The following ADGRL3 variants were observed in gnomAD, a reference collection of about 807,000 sequenced individuals.
ADGRL3 encodes adhesion G protein-coupled receptor L3.
Under a neutral mutation model 153.5 loss-of-function variants are expected in ADGRL3, and 62 were observed. That is an observed-to-expected ratio of 0.40 (90% confidence interval 0.33 to 0.50). The LOEUF is 0.50. Among genes scored for constraint, ADGRL3 ranks in the 20% least tolerant of loss-of-function variants. The pLI is 0.47. For missense variants in ADGRL3, 1,641 were observed against 1,859.4 expected, an observed-to-expected ratio of 0.88 and a Z score of 2.16; for synonymous variants, 710 against 672.5, an observed-to-expected ratio of 1.06 and a Z score of -0.86.
At chr4:61,291,790 A>G (rs561625875) in intron 1 of ADGRL3, among the ~76,000 whole-genome samples, 3 of 149,680 alleles carry the variant, frequency 2.0e-5, no homozygotes, top group South Asian at 2.1e-4. Flanking sequence ...AGAAGTATTA[A>G]TATAAAATGG....
intron 6 of ADGRL3, among the ~76,000 whole-genome samples, chr4:61,723,423 G>A (rs1327498811): frequency 6.6e-6 from 1 of 152,048 alleles, no homozygotes; most frequent in Admixed American, 6.6e-5. Context: ...GAAGAAAAAA[G>A]CTCCCCCATA....
intron 3 of ADGRL3, among the ~76,000 whole-genome samples, chr4:61,513,176 A>G (rs1212017654): frequency 2.6e-5 from 4 of 152,164 alleles, no homozygotes; most frequent in Non-Finnish European, 4.4e-5. Context: ...AATAAGCTGA[A>G]TAATTGACTG....
chr4:61,625,340 C>T (rs2092767856), intron 5 of ADGRL3, among the ~76,000 whole-genome samples: 1 of 151,834 alleles, frequency 6.6e-6, no homozygotes, highest in Admixed American at 6.6e-5. Flanking sequence ...AGTATTTATT[C>T]CAAAAACTAC....
At chr4:61,652,746 A>T (rs2094305349) in intron 5 of ADGRL3, among the ~76,000 whole-genome samples, 2 of 152,216 alleles carry the variant, frequency 1.3e-5, no homozygotes. Context: ...TGTCATAATT[A>T]TAACCACTTT....
intron 8 of ADGRL3, among the ~76,000 whole-genome samples, chr4:61,750,558 G>A (rs893046547): frequency 1.3e-5 from 2 of 152,090 alleles, no homozygotes; most frequent in Non-Finnish European, 2.9e-5. Flanking sequence ...TTGGGAGGCC[G>A]AGGCGGGCGG....
At chr4:61,220,801 T>C (rs888180082) in intron 1 of ADGRL3, among the ~76,000 whole-genome samples, 52 of 152,208 alleles carry the variant, frequency 3.4e-4, no homozygotes, top group African/African-American at 1.2e-3. Context: ...AATGATTATC[T>C]AGCAATTCGT....
chr4:61,512,816 G>A (rs770598753), intron 3 of ADGRL3, among the ~76,000 whole-genome samples: 2 of 152,074 alleles, frequency 1.3e-5, no homozygotes, highest in Admixed American at 1.3e-4. Flanking sequence ...TTGTACAAAG[G>A]ATTAGGCGGG....
At chr4:61,738,284 A>G (rs144009680) in intron 8 of ADGRL3, among the ~76,000 whole-genome samples, 6 of 152,172 alleles carry the variant, frequency 3.9e-5, no homozygotes, top group Non-Finnish European at 7.4e-5. Flanking sequence ...ATTCCATTCT[A>G]TATATTTATA....
At chr4:61,537,941 T>C (rs2098667043) in intron 4 of ADGRL3, among the ~76,000 whole-genome samples, 1 of 152,102 alleles carries the variant, frequency 6.6e-6, no homozygotes, top group Non-Finnish European at 1.5e-5. Context: ...TTGCAATTCA[T>C]TTTTTTAAAT....
At chr4:61,247,613 G>T (rs1017997989) in intron 1 of ADGRL3, among the ~76,000 whole-genome samples, 5 of 152,002 alleles carry the variant, frequency 3.3e-5, no homozygotes, top group African/African-American at 4.8e-5. Context: ...GCAAATTTCA[G>T]TCAGTTTTAG....
chr4:61,671,757 C>A (rs2095009938), intron 5 of ADGRL3, among the ~76,000 whole-genome samples: 1 of 152,072 alleles, frequency 6.6e-6, no homozygotes, highest in Non-Finnish European at 1.5e-5. Context: ...GAGAACCGAT[C>A]AGGTCAGGGT....
At chr4:61,772,213 T>G (rs2097095004) in intron 8 of ADGRL3, among the ~76,000 whole-genome samples, 1 of 152,184 alleles carries the variant, frequency 6.6e-6, no homozygotes, top group African/African-American at 2.4e-5. Context: ...TAATCTGAAT[T>G]TGGAAAGGAC....
At chr4:61,930,798 G>A (rs765672003) in intron 13 of ADGRL3, among the ~76,000 whole-genome samples, 1 of 151,874 alleles carries the variant, frequency 6.6e-6, no homozygotes, top group Non-Finnish European at 1.5e-5. Context: ...AGTTTAGTGA[G>A]TATACTGTAC....
chr4:61,463,311 T>C (rs1043848564), intron 2 of ADGRL3, among the ~76,000 whole-genome samples: 7 of 152,224 alleles, frequency 4.6e-5, no homozygotes, highest in Non-Finnish European at 7.3e-5. Flanking sequence ...TTCCACAGGC[T>C]GTACAGGAAG....
chr4:61,790,566 T>C (rs571532954), intron 8 of ADGRL3, among the ~76,000 whole-genome samples: 1 of 152,286 alleles, frequency 6.6e-6, no homozygotes, highest in Admixed American at 6.5e-5. Context: ...ATTAATGTGG[T>C]CTCTCTCACT....
intron 5 of ADGRL3, among the ~76,000 whole-genome samples, chr4:61,670,566 A>C (rs1208936300): frequency 2.0e-5 from 3 of 152,106 alleles, no homozygotes; most frequent in African/African-American, 7.2e-5. Flanking sequence ...TTCTTGTCCC[A>C]TGACCAAGAA....
chr4:61,844,479 G>A (rs1196536516), intron 9 of ADGRL3, among the ~76,000 whole-genome samples: 5 of 141,238 alleles, frequency 3.5e-5, no homozygotes, highest in Non-Finnish European at 6.0e-5. Context: ...CCCAGGAGGC[G>A]GAGGTTCCAG....
intron 22 of ADGRL3, among the ~76,000 whole-genome samples, chr4:62,030,985 A>G (rs1276756972): frequency 6.6e-6 from 1 of 151,586 alleles, no homozygotes; most frequent in Non-Finnish European, 1.5e-5. Flanking sequence ...TCAGTAAACA[A>G]TAAAATTTTT....
chr4:61,721,500 C>T (rs1050380018), intron 6 of ADGRL3, among the ~76,000 whole-genome samples: 3 of 152,198 alleles, frequency 2.0e-5, no homozygotes, highest in African/African-American at 7.2e-5. Flanking sequence ...ATTCTAGCCC[C>T]TGCGCTGGCA....
Sources: gnomAD v4.1 joint callset for allele counts (sites outside exome capture counted in the v4.1 genomes callset) on GRCh38, gnomAD v4.1.1 for gene constraint, MANE v1.5 for transcripts, NCBI Gene and HGNC (gene_info 2026-07-23, HGNC 2026-07-21) for gene names.